NRG3: variants seen among roughly 807,000 people sequenced by gnomAD.
NRG3 encodes the protein neuregulin 3, also known as pro-neuregulin-3, membrane-bound isoform.
NRG3 carries 31 observed loss-of-function variants against 66.9 expected under a neutral mutation model. That is an observed-to-expected ratio of 0.46 (90% confidence interval 0.35 to 0.63). The LOEUF (loss-of-function observed/expected upper bound fraction) is 0.63, where lower values mean the gene tolerates loss of function less well. NRG3 is among the 20% of genes least tolerant of loss of function. NRG3 has a pLI of 0.00. For missense variants in NRG3, 910 were observed against 878.9 expected (o/e 1.04, Z -0.45); for synonymous variants, 393 against 359.4 (o/e 1.09, Z -1.06).
intron 1 of NRG3, among the ~76,000 whole-genome samples, chr10:81,980,970 G>A (rs1674068183): frequency 6.7e-6 from 1 of 149,534 alleles, no homozygotes; most frequent in South Asian, 2.2e-4. Flanking sequence ...TCTTGCTCTT[G>A]CTCTAAATAC....
intron 1 of NRG3, among the ~76,000 whole-genome samples, chr10:82,249,030 G>A (rs992737079): frequency 1.3e-5 from 2 of 152,102 alleles, no homozygotes; most frequent in Non-Finnish European, 2.9e-5. Context: ...CAGAACAAAT[G>A]CTACCAGACC....
chr10:81,915,349 G>T (rs1258827913), intron 1 of NRG3, among the ~76,000 whole-genome samples: 1 of 152,126 alleles, frequency 6.6e-6, no homozygotes, highest in Non-Finnish European at 1.5e-5. Context: ...GCCTTGGAGA[G>T]GCTAGATTCT....
At chr10:82,329,230 A>T (rs1339632842) in intron 1 of NRG3, among the ~76,000 whole-genome samples, 1 of 152,050 alleles carries the variant, frequency 6.6e-6, no homozygotes, top group Non-Finnish European at 1.5e-5. Context: ...CAAACTTTTT[A>T]AAAAAGAATT....
At chr10:82,454,505 A>G (rs371163554) in intron 2 of NRG3, among the ~76,000 whole-genome samples, 2 of 152,342 alleles carry the variant, frequency 1.3e-5, no homozygotes, top group East Asian at 1.9e-4. Flanking sequence ...GAGACAAAAC[A>G]AAAAGCCCGA....
At chr10:82,917,990 A>G (rs1468274476) in intron 4 of NRG3, among the ~76,000 whole-genome samples, 4 of 137,802 alleles carry the variant, frequency 2.9e-5, no homozygotes, top group South Asian at 2.4e-4. Context: ...ATATATATAT[A>G]TATGTATGTA....
intron 2 of NRG3, among the ~76,000 whole-genome samples, chr10:82,466,500 G>A (rs1049859029): frequency 6.6e-6 from 1 of 152,122 alleles, no homozygotes; most frequent in Non-Finnish European, 1.5e-5. Flanking sequence ...AGAATTATTG[G>A]ACTAGGAAAG....
intron 2 of NRG3, among the ~76,000 whole-genome samples, chr10:82,520,012 A>G (rs1846043937): frequency 6.6e-6 from 1 of 152,066 alleles, no homozygotes; most frequent in Non-Finnish European, 1.5e-5. Context: ...CTAAAATAGT[A>G]GTAGTTTAAA....
chr10:81,988,818 C>T (rs1485192044), intron 1 of NRG3, among the ~76,000 whole-genome samples: 1 of 151,400 alleles, frequency 6.6e-6, no homozygotes, highest in Non-Finnish European at 1.5e-5. Flanking sequence ...TTAAGGAATG[C>T]AGGTTCTATT....
intron 1 of NRG3, among the ~76,000 whole-genome samples, chr10:82,070,678 AC>A (rs1290934076): frequency 6.6e-6 from 1 of 152,212 alleles, no homozygotes; most frequent in African/African-American, 2.4e-5. Context: ...TAGGAAAAAA[AC>A]GAACAAAGGA....
chr10:82,546,382 G>T (rs1221048983), intron 2 of NRG3, among the ~76,000 whole-genome samples: 4 of 152,006 alleles, frequency 2.6e-5, no homozygotes, highest in African/African-American at 9.7e-5. Context: ...AATGATATAT[G>T]TAGTAAACAT....
chr10:82,520,853 A>C (rs1333299209), intron 2 of NRG3, among the ~76,000 whole-genome samples: 1 of 152,188 alleles, frequency 6.6e-6, no homozygotes, highest in Non-Finnish European at 1.5e-5. Flanking sequence ...TTCGGGTATA[A>C]ACTCCGAAAT....
At chr10:82,902,706 T>C (rs1404027265) in intron 4 of NRG3, among the ~76,000 whole-genome samples, 1 of 152,118 alleles carries the variant, frequency 6.6e-6, no homozygotes, top group East Asian at 1.9e-4. Context: ...ATATGTATTA[T>C]ATATGTGTAT....
intron 2 of NRG3, among the ~76,000 whole-genome samples, chr10:82,620,491 T>G (rs1200902937): frequency 6.6e-6 from 1 of 152,062 alleles, no homozygotes; most frequent in African/African-American, 2.4e-5. Context: ...AGTTAAGCCA[T>G]CTCTCCTCTG....
chr10:82,813,588 G>A (rs937896223), intron 3 of NRG3, among the ~76,000 whole-genome samples: 10 of 152,210 alleles, frequency 6.6e-5, no homozygotes, highest in Admixed American at 2.0e-4. Context: ...TTCCTCGAGA[G>A]CATGGTAATC....
chr10:82,375,536 C>CA (rs57526579), intron 2 of NRG3, among the ~76,000 whole-genome samples: 26,427 of 127,094 alleles, frequency 0.21, 3,586 homozygotes, highest in East Asian at 0.44. Flanking sequence ...GACTCCATCT[C>CA]AAAAAAAAAA....
chr10:82,201,557 T>C (rs538423171), intron 1 of NRG3, among the ~76,000 whole-genome samples: 28 of 152,198 alleles, frequency 1.8e-4, no homozygotes, highest in East Asian at 3.9e-4. Context: ...ACCATTTTGG[T>C]GAGAGGCCTT....
intron 2 of NRG3, among the ~76,000 whole-genome samples, chr10:82,469,241 C>G (rs1001386186): frequency 1.3e-5 from 2 of 152,142 alleles, no homozygotes; most frequent in African/African-American, 4.8e-5. Context: ...TTCAATTTCC[C>G]CCTGCTTCTT....
chr10:82,138,600 C>T (rs2069533386), intron 1 of NRG3, among the ~76,000 whole-genome samples: 1 of 152,134 alleles, frequency 6.6e-6, no homozygotes, highest in South Asian at 2.1e-4. Context: ...CTCACATGAT[C>T]ACAAGGTAAA....
At chr10:82,601,439 A>C (rs961277645) in intron 2 of NRG3, among the ~76,000 whole-genome samples, 1 of 152,138 alleles carries the variant, frequency 6.6e-6, no homozygotes, top group African/African-American at 2.4e-5. Context: ...TCATGTTGGC[A>C]TTGTTCTTTG....
Sources: gnomAD v4.1 joint callset for allele counts (sites outside exome capture counted in the v4.1 genomes callset) on GRCh38, gnomAD v4.1.1 for gene constraint, MANE v1.5 for transcripts, NCBI Gene and HGNC (gene_info 2026-07-23, HGNC 2026-07-21) for gene names.